Variants in FBXL18 observed in about 807,000 individuals in gnomAD.
The protein encoded by FBXL18 is F-box/LRR-repeat protein 18.
FBXL18 carries 36 observed loss-of-function variants against 46.0 expected under a neutral mutation model. That is an observed-to-expected ratio of 0.78 (90% CI 0.60 to 1.03). FBXL18 has a LOEUF of 1.03. FBXL18 is among the 50% of genes least tolerant of loss of function. FBXL18 has a pLI of 0.00. For synonymous variants in FBXL18, 557 were observed against 465.3 expected (o/e 1.20, Z -2.54); for missense variants, 977 against 1,004.1 (o/e 0.97, Z 0.36).
chr7:5,469,367 G>C (rs533686102), intron 4 of FBXL18, among the ~76,000 whole-genome samples: 560 of 152,314 alleles, frequency 3.7e-3, no homozygotes, highest in South Asian at 8.9e-3. Context: ...AGCTGAGATC[G>C]TGCCACTGCA....
chr7:5,474,683 A>C (rs1783480202), downstream of FBXL18, among the ~76,000 whole-genome samples: 2 of 53,196 alleles, frequency 3.8e-5, no homozygotes, highest in African/African-American at 6.8e-5. Context: ...TATGCACTTT[A>C]TTTTTTATTT....
intron 4 of FBXL18, among the ~76,000 whole-genome samples, chr7:5,487,595 C>T (rs1450509400): frequency 1.3e-5 from 2 of 152,224 alleles, no homozygotes; most frequent in African/African-American, 4.8e-5. Flanking sequence ...CTCAGGGCAG[C>T]TCTCGAAGAC....
downstream of FBXL18, among the ~76,000 whole-genome samples, chr7:5,475,090 G>A (rs547555035): frequency 2.3e-3 from 344 of 150,668 alleles, 1 homozygote; most frequent in African/African-American, 7.8e-3. This position sits in a 1 kb window ranked among gnomAD's most constrained non-coding sequence, Gnocchi z 4.2. Context: ...AGGCCGAGGC[G>A]GGTGGATCAC....
chr7:5,477,616 C>T lies in FBXL18; in HGVS notation c.*4159G>A, dbSNP rs549004505. ...ACTCAGGAGGCTGATGTGGGAGAAT[C>T]GCTTGAACCTGTGAGGTGGAGGTTG... On this transcript the variant is annotated 3_prime_UTR_variant, in exon 5 of 5. Transcript: ENST00000382368. The surrounding 1 kb of genome is among the most constrained non-coding windows in gnomAD (Gnocchi z 4.4). Among the ~76,000 whole-genome samples, 4 of 151,696 alleles carry T rather than the reference C, an allele frequency of 2.6e-5. No homozygotes were observed. The highest frequency in any genetic ancestry group is 2.1e-4 in the South Asian group (1 of 4,816).
chr7:5,512,956 C>T (rs777348664), intron 1 of FBXL18, among the ~76,000 whole-genome samples: 1 of 152,146 alleles, frequency 6.6e-6, no homozygotes, highest in African/African-American at 2.4e-5. Flanking sequence ...GTGCACCCAA[C>T]GATCTGAGAC....
chr7:5,499,051 ACTGT>A (rs35933091), intron 3 of FBXL18, among the ~76,000 whole-genome samples: 24,458 of 152,068 alleles, frequency 0.16, 2,180 homozygotes, highest in African/African-American at 0.23. Flanking sequence ...GGCCCTGGAC[ACTGT>A]CTGGTGTGGA....
At chr7:5,475,074 T>C (rs1783488176), downstream of FBXL18, among the ~76,000 whole-genome samples, 1 of 149,188 alleles carries the variant, frequency 6.7e-6, no homozygotes, top group Non-Finnish European at 1.5e-5. The surrounding 1 kb of genome is among the most constrained non-coding windows in gnomAD (Gnocchi z 4.2). Flanking sequence ...ATCCCAGCAC[T>C]TTGGGAGGCC....
chr7:5,502,969 C>G (rs988597544), intron 2 of FBXL18, among the ~76,000 whole-genome samples: 26 of 152,204 alleles, frequency 1.7e-4, no homozygotes, highest in Non-Finnish European at 2.9e-5. Context: ...TACTCTGTGC[C>G]TGTTCACTGC....
At chr7:5,493,163 C>T (rs1330540479) in intron 3 of FBXL18, among the ~76,000 whole-genome samples, 1 of 152,114 alleles carries the variant, frequency 6.6e-6, no homozygotes, top group African/African-American at 2.4e-5. Flanking sequence ...AGTGAGAGCC[C>T]AGCTCTACAA....
intron 1 of FBXL18, among the ~76,000 whole-genome samples, chr7:5,509,310 C>T (rs1784470460): frequency 6.6e-6 from 1 of 151,738 alleles, no homozygotes; most frequent in South Asian, 2.1e-4. Flanking sequence ...GAGGGAGAGA[C>T]AGCAGGCCAG....
chr7:5,493,497 G>A lies in FBXL18; in HGVS notation c.1782-2048C>T, dbSNP rs1165264460. 4.6e-5 allele frequency among the ~76,000 whole-genome samples: 7 copies of A among 152,008 alleles called. No homozygotes were observed. The East Asian group carries it at 5.9e-4, about 13-fold the overall frequency. ...TTTTTAGTAGAGATGGGGTTTCACC[G>A]TGTTAGCCAGGATGGTCTCAATCTC... On this transcript the variant is annotated intron_variant, in intron 3 of 4. Coordinates refer to ENST00000382368, the MANE Select transcript of FBXL18 (RefSeq NM_024963.6).
rs59985346 is a variant in FBXL18 at position 5,504,915 on chromosome 7, C to CAA, written c.237+495_237+496dup. On this transcript the variant is annotated intron_variant, in intron 2 of 4. Transcript: ENST00000382368. ...TGGGCAAAAGAACGAGACTCCATCT[C>CAA]AAAAAAAAAAAAAAAAAAAAAAAAA... is the stretch of plus-strand genomic sequence containing the variant. Among the ~76,000 whole-genome samples the CAA allele has an allele frequency of 1.4e-3, 42 of 30,064 alleles. 1 individual carries two copies. Among genetic ancestry groups the CAA allele is most frequent in the East Asian group, 3.2e-3 (2 of 632 alleles). 19.7% of individuals were successfully genotyped at this position (30,064 alleles called of 152,430 possible). A position where few individuals can be genotyped will look rare whatever the true frequency, so the allele number is the denominator to read the frequency against.
chr7:5,495,421 T>A (rs980060610), intron 3 of FBXL18, among the ~76,000 whole-genome samples: 1 of 152,138 alleles, frequency 6.6e-6, no homozygotes, highest in Non-Finnish European at 1.5e-5. Context: ...TCCCCCGCCC[T>A]CCACCGCAAG....
intron 4 of FBXL18, among the ~76,000 whole-genome samples, chr7:5,456,947 A>G (rs1349657457): frequency 6.6e-6 from 1 of 152,176 alleles, no homozygotes; most frequent in Admixed American, 6.5e-5. Flanking sequence ...TGTTTTTAGT[A>G]GAGATTGAAA....
chr7:5,504,654 G>A lies in FBXL18; in HGVS notation c.237+758C>T, dbSNP rs551505333. Among the ~76,000 whole-genome samples, 8 of 146,598 alleles carry A rather than the reference G, an allele frequency of 5.5e-5. No individual in the cohort carries two copies. The South Asian group carries it at 1.8e-3, about 33-fold the overall frequency. The stretch of plus-strand genomic sequence containing the variant: ...TACCAGGCCGGGTGTGGTGGTTCAC[G>A]CCTGTAATCCCAGCACTTTGGGATG... On this transcript the variant is annotated intron_variant, in intron 2 of 4. Coordinates refer to ENST00000382368, the MANE Select transcript of FBXL18 (RefSeq NM_024963.6).
chr7:5,504,864 C>G (rs553413821), intron 2 of FBXL18, among the ~76,000 whole-genome samples: 1 of 124,868 alleles, frequency 8.0e-6, no homozygotes, highest in Non-Finnish European at 1.6e-5. Flanking sequence ...TGCAGTGAGC[C>G]GAGATCATGC....
At chr7:5,506,240 G>A (rs1169324882) in intron 1 of FBXL18, among the ~76,000 whole-genome samples, 1 of 151,134 alleles carries the variant, frequency 6.6e-6, no homozygotes, top group African/African-American at 2.4e-5. Context: ...CACCATGCCC[G>A]GCCTCTTTTT....
rs1360128065 is a variant in FBXL18 at position 5,455,493 on chromosome 7, G to A, written c.2001-7650C>T. Among the ~76,000 whole-genome samples the A allele has an allele frequency of 1.3e-5, 2 of 152,088 alleles. No individual in the cohort carries two copies. Among genetic ancestry groups the A allele is most frequent in the African/African-American group, 4.8e-5 (2 of 41,412 alleles). ...TCCTTGCTCGCCACTGGCTTCACTG[G>A]CGTCAGAAGCAATTCCACAAGCCCA... On this transcript the variant is annotated intron_variant and NMD_transcript_variant, in intron 4 of 6. Coordinates refer to the FBXL18 transcript ENST00000415009. This position sits in a 1 kb window ranked among gnomAD's most constrained non-coding sequence, Gnocchi z 4.6.
chr7:5,461,515 T>C (rs1461588107), intron 4 of FBXL18, among the ~76,000 whole-genome samples: 1 of 152,204 alleles, frequency 6.6e-6, no homozygotes, highest in Non-Finnish European at 1.5e-5. Flanking sequence ...TGGTGGTGAG[T>C]GCCTGTAGTC....
Sources: allele counts gnomAD v4.1 joint callset (sites outside exome capture counted in the v4.1 genomes callset), GRCh38; gene constraint gnomAD v4.1.1; non-coding constraint Gnocchi (gnomAD v3.1); transcripts MANE v1.5; gene names NCBI Gene and HGNC (gene_info 2026-07-23, HGNC 2026-07-21).